The following TPX2 variants were observed in gnomAD, a reference collection of about 807,000 sequenced individuals.
The protein encoded by TPX2 is targeting protein for Xklp2.
A neutral mutation model predicts 93.6 loss-of-function variants in TPX2; 21 were observed. That is an observed-to-expected ratio of 0.22 (90% CI 0.16 to 0.32). TPX2 has a LOEUF of 0.32. Among genes scored for constraint, TPX2 ranks in the 10% least tolerant of loss-of-function variants. The pLI, the probability that TPX2 is intolerant of heterozygous loss-of-function variation, is 1.00. For synonymous variants in TPX2, 281 were observed against 298.3 expected (o/e 0.94, Z 0.60); for missense variants, 776 against 871.1 (o/e 0.89, Z 1.37).
intron 14 of TPX2, 118 bp downstream of exon 14, chr20:31,794,142 C>G: frequency 8.4e-7 from 1 of 1,184,340 alleles, no homozygotes; most frequent in Non-Finnish European, 1.2e-6. Flanking sequence ...TTCTAAGAAC[C>G]CTATAAAATA....
chr20:31,759,347 C>T (rs1055765606), intron 3 of TPX2, among the ~76,000 whole-genome samples: 2 of 150,960 alleles, frequency 1.3e-5, no homozygotes, highest in African/African-American at 2.4e-5. Context: ...TAAGACTATA[C>T]AGTATCTCTT....
chr20:31,794,253 C>G, intron 14 of TPX2, 149 bp from the exon 15 acceptor site: 1 of 1,180,946 alleles, frequency 8.5e-7, no homozygotes, highest in Non-Finnish European at 1.2e-6. Context: ...GGAGGAAAGC[C>G]TAGATTTCCT....
intron 2 of TPX2, among the ~76,000 whole-genome samples, chr20:31,744,453 G>A (rs115171974): frequency 0.022 from 3,382 of 151,918 alleles, 130 homozygotes; most frequent in African/African-American, 0.076. Context: ...CACCACGCCC[G>A]GCCTCTAATT....
intron 11 of TPX2, 141 bp downstream of exon 11, chr20:31,782,531 C>A: frequency 9.3e-7 from 1 of 1,073,350 alleles, no homozygotes; most frequent in Non-Finnish European, 1.3e-6. Context: ...GGCTACGCCC[C>A]TGCCTATATG....
Position 31,766,689 on chromosome 20 carries a change from C to G in TPX2, c.356+7C>G. 6.2e-7 allele frequency: 1 copy of G among 1,608,182 alleles called. No homozygotes were observed. The highest frequency in any genetic ancestry group is 8.5e-7 in the Non-Finnish European group (1 of 1,177,948). On this transcript the variant is annotated splice_region_variant and intron_variant, in intron 5 of 17. Coordinates refer to ENST00000300403, the MANE Select transcript of TPX2 (RefSeq NM_012112.5). Reference sequence around the variant, plus strand: ...CTCCAGCCCAGCCTCAGAGGTAAGACTTTGGAATCTCAAAGTGGTGGTTAT... The same window carrying G: ...CTCCAGCCCAGCCTCAGAGGTAAGAGTTTGGAATCTCAAAGTGGTGGTTAT...
Position 31,757,455 on chromosome 20 carries a change from C to T in TPX2, c.-22C>T. 6.3e-7 allele frequency: 1 copy of T among 1,599,284 alleles called. No homozygotes were observed. On this transcript the variant is annotated 5_prime_UTR_variant, in exon 3 of 18. Transcript: ENST00000300403. ...GTACAAATACTGGGAAAAACCTGCT[C>T]TTCTGCGTTAAGTGGGAGACAATGT...
At chr20:31,780,338 C>T (rs2062025729) in intron 10 of TPX2, among the ~76,000 whole-genome samples, 1 of 152,148 alleles carries the variant, frequency 6.6e-6, no homozygotes, top group African/African-American at 2.4e-5. Flanking sequence ...AGGTGTGAGC[C>T]ACTGCGCCTG....
In TPX2 at chr20:31,739,593, G is replaced by A. The variant is rs565985236; in HGVS notation, c.-206G>A. On this transcript the variant is annotated 5_prime_UTR_variant, in exon 1 of 18. Coordinates refer to ENST00000300403, the MANE Select transcript of TPX2 (RefSeq NM_012112.5). ...CCGTCCGGGAAACGGAGGAAAAAAA[G>A]AGTTGCGGGAGGCTGTCGGCTAATA... is the stretch of plus-strand genomic sequence containing the variant. The A allele has an allele frequency of 2.0e-5, 3 of 152,368 alleles. No individual in the cohort carries two copies. The South Asian group carries it at 6.2e-4, about 32-fold the overall frequency. 9.4% of individuals were successfully genotyped at this position (152,368 alleles called of 1,614,324 possible).
At chr20:31,768,084 A>G (rs2061940059) in intron 5 of TPX2, among the ~76,000 whole-genome samples, 1 of 151,836 alleles carries the variant, frequency 6.6e-6, no homozygotes, top group East Asian at 1.9e-4. Flanking sequence ...GGTGCAGGGC[A>G]CCAGGTGGCC....
chr20:31,797,295 TCTG>T, intron 15 of TPX2, 106 bp from the exon 16 acceptor site: 1 of 928,948 alleles, frequency 1.1e-6, no homozygotes. Context: ...TTATATTAAA[TCTG>T]CTATTTTTAT....
At chr20:31,794,052 G>A (rs779081833) in intron 14 of TPX2, 28 bp downstream of exon 14, 3 of 1,582,662 alleles carry the variant, frequency 1.9e-6, no homozygotes, top group Non-Finnish European at 1.7e-6. Flanking sequence ...TGCAAGTAGT[G>A]TAATACTATT....
intron 7 of TPX2, among the ~76,000 whole-genome samples, chr20:31,773,535 GC>G (rs1182055751): frequency 6.6e-6 from 1 of 151,702 alleles, no homozygotes; most frequent in Admixed American, 6.6e-5. Context: ...CAAGTGATCT[GC>G]CCGCCTCAGC....
rs2062145369 is a variant in TPX2, at chr20:31,797,454, T to C, written c.1884T>C (p.Arg628=). 1 of 1,613,920 alleles carries C rather than the reference T, an allele frequency of 6.2e-7. No individual in the cohort carries two copies. Among genetic ancestry groups the C allele is most frequent in the Non-Finnish European group, 8.5e-7 (1 of 1,179,942 alleles). Residue 628 remains arginine, a synonymous_variant, in exon 16 of 18, where the codon CGT becomes CGC. Coordinates refer to ENST00000300403, the MANE Select transcript of TPX2 (RefSeq NM_012112.5). The part of the protein sequence containing the change: ...QQKEAACFKA[R]PNTVISQEPF... ...AAGAAGCAGCTTGTTTCAAGGCTCG[T>C]CCAAACACCGTCATCTCTCAGGAGC...
intron 12 of TPX2, among the ~76,000 whole-genome samples, chr20:31,784,965 T>A (rs2062056403): frequency 1.3e-5 from 2 of 152,234 alleles, no homozygotes; most frequent in Admixed American, 1.3e-4. Flanking sequence ...CTTCTTTCTT[T>A]TTGCTTGCTT....
chr20:31,784,257 T>C (rs1568600824), intron 12 of TPX2, among the ~76,000 whole-genome samples: 1 of 152,236 alleles, frequency 6.6e-6, no homozygotes, highest in Non-Finnish European at 1.5e-5. Context: ...GACGATGTAC[T>C]GTAGTAATAG....
intron 2 of TPX2, among the ~76,000 whole-genome samples, chr20:31,752,281 C>CT (rs1600356511): frequency 6.6e-6 from 1 of 152,154 alleles, no homozygotes; most frequent in East Asian, 1.9e-4. Flanking sequence ...GGAATAAGGG[C>CT]TATAGCTGTT....
intron 13 of TPX2, among the ~76,000 whole-genome samples, chr20:31,793,038 A>T (rs895248121): frequency 2.0e-4 from 30 of 152,180 alleles, no homozygotes; most frequent in Admixed American, 1.4e-3. Flanking sequence ...TCTTAGTGAT[A>T]ACTAGTTACA....
intron 12 of TPX2, among the ~76,000 whole-genome samples, chr20:31,788,301 C>T (rs984216540): frequency 6.6e-6 from 1 of 151,358 alleles, no homozygotes; most frequent in Non-Finnish European, 1.5e-5. Flanking sequence ...ACCTGTACTC[C>T]TAGCTACTCA....
At chr20:31,754,699 A>T (rs2122971333) in intron 2 of TPX2, among the ~76,000 whole-genome samples, 2 of 152,278 alleles carry the variant, frequency 1.3e-5, no homozygotes, top group Admixed American at 1.3e-4. Flanking sequence ...ATGTGTACAG[A>T]AATTTAGCTA....
Sources: gnomAD v4.1 joint callset for allele counts (sites outside exome capture counted in the v4.1 genomes callset) on GRCh38, gnomAD v4.1.1 for gene constraint, MANE v1.5 for transcripts, NCBI Gene and HGNC (gene_info 2026-07-23, HGNC 2026-07-21) for gene names.